The following LPGAT1 variants were observed in gnomAD, a reference collection of about 807,000 sequenced individuals.
LPGAT1 encodes the protein lysophosphatidylglycerol acyltransferase 1, also known as acyl-CoA:lysophosphatidylglycerol acyltransferase 1.
LPGAT1 carries 11 observed loss-of-function variants against 47.5 expected under a neutral mutation model. The ratio of observed to expected loss-of-function variants is 0.23; its 90% confidence interval spans 0.15 to 0.38. LPGAT1 has a LOEUF of 0.38. Among genes scored for constraint, LPGAT1 ranks in the 10% least tolerant of loss-of-function variants. The pLI is 1.00. For synonymous variants in LPGAT1, 138 were observed against 144.2 expected (o/e 0.96, Z 0.31); for missense variants, 293 against 439.0 (o/e 0.67, Z 2.97).
Position 211,744,407 on chromosome 1 carries a change from A to G in LPGAT1, c.*5492T>C, listed in dbSNP as rs1199014519. 3 of 152,214 alleles carry G rather than the reference A, an allele frequency of 2.0e-5. No homozygotes were observed. Among genetic ancestry groups the G allele is most frequent in the Non-Finnish European group, 4.4e-5 (3 of 68,028 alleles). 9.4% of individuals were successfully genotyped at this position (152,214 alleles called of 1,614,324 possible). A position where few individuals can be genotyped will look rare whatever the true frequency, so the allele number is the denominator to read the frequency against. Reference sequence around the variant, plus strand: ...TGAGTCTAATATGTACCATGGTAAGAAACAGTTTTAACAGTAGATCACGTA... The same window carrying G: ...TGAGTCTAATATGTACCATGGTAAGGAACAGTTTTAACAGTAGATCACGTA... On this transcript the variant is annotated 3_prime_UTR_variant, in exon 8 of 8. Coordinates refer to ENST00000366997, the MANE Select transcript of LPGAT1 (RefSeq NM_014873.3).
intron 3 of LPGAT1, among the ~76,000 whole-genome samples, chr1:211,792,711 C>CT (rs34552405): frequency 0.51 from 53,307 of 103,732 alleles, 16,865 homozygotes; most frequent in East Asian, 0.76. Context: ...AATTGATTCC[C>CT]TTTTTTTTTT....
At chr1:211,768,182 A>G (rs1278736466) in intron 6 of LPGAT1, among the ~76,000 whole-genome samples, 5 of 152,208 alleles carry the variant, frequency 3.3e-5, no homozygotes, top group Admixed American at 3.3e-4. Context: ...TTTAAAAGGG[A>G]AAAACCTATT....
At chr1:211,814,021 A>G (rs1660088901) in intron 2 of LPGAT1, among the ~76,000 whole-genome samples, 1 of 152,256 alleles carries the variant, frequency 6.6e-6, no homozygotes, top group Non-Finnish European at 1.5e-5. Context: ...CAGCCTTAAC[A>G]TATCAGTTCT....
chr1:211,757,509 A>G (rs1186858838), intron 6 of LPGAT1, among the ~76,000 whole-genome samples: 2 of 152,238 alleles, frequency 1.3e-5, no homozygotes, highest in Non-Finnish European at 2.9e-5. Context: ...GTGCCAGATC[A>G]TTTAAGGTCA....
chr1:211,768,476 T>A (rs1658031636), intron 6 of LPGAT1, among the ~76,000 whole-genome samples: 1 of 152,184 alleles, frequency 6.6e-6, no homozygotes, highest in Non-Finnish European at 1.5e-5. Flanking sequence ...TGCCTGCTCT[T>A]TTTTTGTGGG....
chr1:211,818,635 G>A lies in LPGAT1; in HGVS notation c.238+10424C>T, dbSNP rs933054003. On this transcript the variant is annotated intron_variant, in intron 2 of 7. Transcript: ENST00000366997. Reference sequence around the variant, plus strand: ...TCAGCAAACCCTAATTTTAGATTAGGAATGGTAAACTCTTATGTAACAATA... The same window carrying A: ...TCAGCAAACCCTAATTTTAGATTAGAAATGGTAAACTCTTATGTAACAATA... 4.6e-5 allele frequency among the ~76,000 whole-genome samples: 7 copies of A among 152,182 alleles called. No individual in the cohort carries two copies. In the East Asian group the frequency reaches 1.3e-3, roughly 29 times the overall value.
In LPGAT1 at chr1:211,800,066, G is replaced by A. The variant is rs374358934; in HGVS notation, c.239-6876C>T. 5.9e-4 allele frequency among the ~76,000 whole-genome samples: 78 copies of A among 133,198 alleles called. 1 individual carries two copies. The highest frequency in any genetic ancestry group is 1.8e-3 in the African/African-American group (70 of 39,400). 87.4% of individuals were successfully genotyped at this position (133,198 alleles called of 152,430 possible). ...ATTATTATTATTGAGACAGAGTCTC[G>A]CTCTATTGCCCAGGCTGGAGTGCAG... On this transcript the variant is annotated intron_variant, in intron 2 of 7. Transcript: ENST00000366997.
chr1:211,775,078 T>C (rs1438217725), intron 6 of LPGAT1, among the ~76,000 whole-genome samples: 2 of 152,188 alleles, frequency 1.3e-5, no homozygotes, highest in African/African-American at 4.8e-5. Flanking sequence ...TATGTTCCAG[T>C]GAGGTACAGA....
At chr1:211,779,747 G>A (rs1405168219) in intron 5 of LPGAT1, among the ~76,000 whole-genome samples, 1 of 152,126 alleles carries the variant, frequency 6.6e-6, no homozygotes, top group Admixed American at 6.6e-5. Context: ...AGCTGTTTGG[G>A]AGGCTGAGGC....
At chr1:211,829,647 AAT>A in intron 1 of LPGAT1, 2 of 1,091,960 alleles carry the variant, frequency 1.8e-6, no homozygotes, top group African/African-American at 3.3e-5. Flanking sequence ...GACTTAGAAA[AAT>A]AGATCCACTC....
At position 211,747,986 on chromosome 1, in the gene LPGAT1, T is replaced by C. The variant is rs1196952858; in HGVS notation, c.*1913A>G. 1.3e-5 allele frequency: 2 copies of C among 152,694 alleles called. No homozygotes were observed. Among genetic ancestry groups the C allele is most frequent in the East Asian group, 1.9e-4 (1 of 5,202 alleles). The allele number at this position is 152,694 out of a possible 1,614,324, so 9.5% of individuals were successfully genotyped here. A position where few individuals can be genotyped will look rare whatever the true frequency, so the allele number is the denominator to read the frequency against. On this transcript the variant is annotated 3_prime_UTR_variant, in exon 8 of 8. Coordinates refer to ENST00000366997, the MANE Select transcript of LPGAT1 (RefSeq NM_014873.3). ...TTAATGCATCATTCTCTTTCACATA[T>C]GCACTGAGTTATCGTAAAGATGAAG...
intron 2 of LPGAT1, among the ~76,000 whole-genome samples, chr1:211,801,130 G>A (rs1659556228): frequency 6.6e-6 from 1 of 152,126 alleles, no homozygotes. Context: ...GAGAAAAGCA[G>A]ATGTGTGAAG....
At chr1:211,829,478 AG>A in intron 1 of LPGAT1, 155 bp from the exon 2 acceptor site, 1 of 1,438,264 alleles carries the variant, frequency 7.0e-7, no homozygotes, top group Non-Finnish European at 9.1e-7. Context: ...GAAATTCCAG[AG>A]GGGGACAGAG....
Position 211,762,698 on chromosome 1 carries a change from T to C in LPGAT1, c.855-11631A>G, listed in dbSNP as rs140829196. On this transcript the variant is annotated intron_variant, in intron 6 of 7. Transcript: ENST00000366997. ...ATTTTCAAGAAATGAACATTCTTAT[T>C]ATCAGTAATTCAGAATGTGCTCTTA... Among the ~76,000 whole-genome samples, 6 of 152,328 alleles carry C rather than the reference T, an allele frequency of 3.9e-5. No homozygotes were observed. The East Asian group carries it at 1.2e-3, about 29-fold the overall frequency.
intron 6 of LPGAT1, among the ~76,000 whole-genome samples, chr1:211,754,481 C>T (rs919234233): frequency 2.6e-5 from 4 of 152,090 alleles, no homozygotes; most frequent in Non-Finnish European, 5.9e-5. Flanking sequence ...CCTTTAAAAA[C>T]CCATTTAGTG....
chr1:211,768,902 A>T (rs915251625), intron 6 of LPGAT1, among the ~76,000 whole-genome samples: 2 of 152,190 alleles, frequency 1.3e-5, no homozygotes, highest in African/African-American at 2.4e-5. Context: ...AGGAGGAAAC[A>T]GTCAGTAGGA....
intron 6 of LPGAT1, among the ~76,000 whole-genome samples, chr1:211,756,568 A>G (rs1657463691): frequency 6.6e-6 from 1 of 152,138 alleles, no homozygotes; most frequent in Non-Finnish European, 1.5e-5. Context: ...TCCTGGGCTC[A>G]AGAGATACAC....
At chr1:211,814,312 G>A (rs552002808) in intron 2 of LPGAT1, among the ~76,000 whole-genome samples, 87 of 152,294 alleles carry the variant, frequency 5.7e-4, no homozygotes, top group African/African-American at 2.0e-3. Flanking sequence ...GGCAAAGAGT[G>A]GAAACTGGAG....
At position 211,746,510 on chromosome 1, in the gene LPGAT1, A is replaced by G. The variant is rs1558248269; in HGVS notation, c.*3389T>C. On this transcript the variant is annotated 3_prime_UTR_variant, in exon 8 of 8. Coordinates refer to ENST00000366997, the MANE Select transcript of LPGAT1 (RefSeq NM_014873.3). ...ATTTAATTAGTAAGCGTCCCTAGAAAAAAAATGTCTGATGAGAGTAAGAAT... is the reference window on the plus strand; with the variant it reads ...ATTTAATTAGTAAGCGTCCCTAGAAGAAAAATGTCTGATGAGAGTAAGAAT... The G allele has an allele frequency of 6.6e-6, 1 of 152,228 alleles. No individual in the cohort carries two copies. Among genetic ancestry groups the G allele is most frequent in the Non-Finnish European group, 1.5e-5 (1 of 68,040 alleles). The allele number at this position is 152,228 out of a possible 1,614,324, so 9.4% of individuals were successfully genotyped here. A position where few individuals can be genotyped will look rare whatever the true frequency, so the allele number is the denominator to read the frequency against.
Sources: gnomAD v4.1 joint callset for allele counts (sites outside exome capture counted in the v4.1 genomes callset) on GRCh38, gnomAD v4.1.1 for gene constraint, MANE v1.5 for transcripts, NCBI Gene and HGNC (gene_info 2026-07-23, HGNC 2026-07-21) for gene names.